Variants in CAMSAP1 observed in about 807,000 individuals in gnomAD.
The protein encoded by CAMSAP1 is calmodulin regulated spectrin associated protein 1, also known as calmodulin-regulated spectrin-associated protein 1.
A neutral mutation model predicts 143.5 loss-of-function variants in CAMSAP1; 58 were observed. The observed-to-expected ratio is 0.40, with a 90% confidence interval of 0.33 to 0.50. The LOEUF (loss-of-function observed/expected upper bound fraction) is 0.50, where lower values mean the gene tolerates loss of function less well. Among genes scored for constraint, CAMSAP1 ranks in the 20% least tolerant of loss-of-function variants. CAMSAP1 has a pLI of 0.45. For missense variants in CAMSAP1, 1,969 were observed against 2,115.7 expected (o/e 0.93, Z 1.36); for synonymous variants, 945 against 859.3 (o/e 1.10, Z -1.74).
At chr9:135,849,171 G>A (rs571438906) in intron 7 of CAMSAP1, among the ~76,000 whole-genome samples, 294 of 152,324 alleles carry the variant, frequency 1.9e-3, no homozygotes, top group Non-Finnish European at 3.7e-3. Flanking sequence ...TAGCCTAGGC[G>A]CCTTCAGTGT....
intron 3 of CAMSAP1, among the ~76,000 whole-genome samples, chr9:135,870,550 T>C (rs1000056506): frequency 6.6e-6 from 1 of 152,184 alleles, no homozygotes; most frequent in African/African-American, 2.4e-5. Flanking sequence ...TCCCAGCACT[T>C]TGGGAGCCCG....
intron 5 of CAMSAP1, among the ~76,000 whole-genome samples, chr9:135,860,354 T>C (rs1588481298): frequency 6.6e-6 from 1 of 151,976 alleles, no homozygotes; most frequent in East Asian, 1.9e-4. Context: ...TCCCAGCACT[T>C]TGGGAGGCCA....
chr9:135,876,191 A>G (rs1167944407), intron 3 of CAMSAP1, among the ~76,000 whole-genome samples: 1 of 152,140 alleles, frequency 6.6e-6, no homozygotes, highest in Non-Finnish European at 1.5e-5. Context: ...GACCTCAGGC[A>G]ATCTGCCCAC....
chr9:135,873,938 A>C (rs924774154), intron 3 of CAMSAP1, among the ~76,000 whole-genome samples: 1 of 152,314 alleles, frequency 6.6e-6, no homozygotes, highest in South Asian at 2.1e-4. Context: ...AGAGACCAGT[A>C]TCTGCCGAGA....
chr9:135,840,928 G>A (rs138265269), intron 7 of CAMSAP1, among the ~76,000 whole-genome samples: 1,608 of 152,280 alleles, frequency 0.011, 24 homozygotes, highest in African/African-American at 0.037. Context: ...CGACCATTTG[G>A]GCAGACACCG....
chr9:135,906,692 C>A (rs1167312868), intron 1 of CAMSAP1, among the ~76,000 whole-genome samples: 1 of 152,094 alleles, frequency 6.6e-6, no homozygotes, highest in Non-Finnish European at 1.5e-5. Context: ...GCGCCCAGAA[C>A]CGGGCAGCTC....
chr9:135,847,838 A>G (rs1219744746), intron 7 of CAMSAP1, among the ~76,000 whole-genome samples: 1 of 7,284 alleles, frequency 1.4e-4, no homozygotes, highest in African/African-American at 6.8e-4. Context: ...ATCCCAGAAC[A>G]GGGAAGGGGA....
chr9:135,818,266 TG>T lies in CAMSAP1; in HGVS notation c.4168+141del. 1 of 1,114,266 alleles carries T rather than the reference TG, an allele frequency of 9.0e-7. No individual in the cohort carries two copies. The allele number at this position is 1,114,266 out of a possible 1,614,324, so 69.0% of individuals were successfully genotyped here. A position where few individuals can be genotyped will look rare whatever the true frequency, so the allele number is the denominator to read the frequency against. On this transcript the variant is annotated intron_variant, in intron 13 of 16. Coordinates refer to ENST00000389532, the MANE Select transcript of CAMSAP1 (RefSeq NM_015447.4). The surrounding 1 kb of genome is among the most constrained non-coding windows in gnomAD (Gnocchi z 7.7). ...ATCTCAGAGCATCTGGTCTCAACAT[TG>T]TCATCCATGAAACGGGGATAATCAT...
chr9:135,837,987 G>A (rs62584822), intron 7 of CAMSAP1, among the ~76,000 whole-genome samples: 47,692 of 122,750 alleles, frequency 0.39, 9,498 homozygotes, highest in African/African-American at 0.6. Flanking sequence ...ATCATCACAC[G>A]CTTTCTACCC....
chr9:135,879,001 A>G (rs142864675), intron 3 of CAMSAP1, among the ~76,000 whole-genome samples: 1 of 152,228 alleles, frequency 6.6e-6, no homozygotes, highest in East Asian at 1.9e-4. Context: ...GGAAAGGAAC[A>G]TGAGTTGTGA....
intron 7 of CAMSAP1, among the ~76,000 whole-genome samples, chr9:135,845,841 AAAC>A (rs1458751537): frequency 1.3e-5 from 2 of 152,192 alleles, no homozygotes; most frequent in African/African-American, 4.8e-5. Flanking sequence ...GGAGAACTAC[AAAC>A]CACTGCTCAA....
rs1258397641 is a variant in CAMSAP1, at chr9:135,865,406, A to G, written c.666+1050T>C. On this transcript the variant is annotated intron_variant, in intron 4 of 16. Coordinates refer to ENST00000389532, the MANE Select transcript of CAMSAP1 (RefSeq NM_015447.4). ...AGAAGGAAGGCAGGAGAGGAGCATC[A>G]GCAGAGCAGGTCCACGTGTGGACGA... 3 of 1,546,566 alleles carry G rather than the reference A, an allele frequency of 1.9e-6. No homozygotes were observed. The African/African-American group carries it at 4.1e-5, about 21-fold the overall frequency.
At chr9:135,852,059 G>A (rs924480849) in intron 5 of CAMSAP1, among the ~76,000 whole-genome samples, 1 of 152,194 alleles carries the variant, frequency 6.6e-6, no homozygotes, top group Admixed American at 6.5e-5. Flanking sequence ...AGGCGGAGGG[G>A]CGTGAACACC....
chr9:135,824,989 A>G lies in CAMSAP1; in HGVS notation c.1224-109T>C, dbSNP rs1835621966. On this transcript the variant is annotated intron_variant, in intron 8 of 16. Coordinates refer to ENST00000389532, the MANE Select transcript of CAMSAP1 (RefSeq NM_015447.4). The surrounding 1 kb of genome is among the most constrained non-coding windows in gnomAD (Gnocchi z 4.1). Reference sequence around the variant, plus strand: ...TCCTGAATTCACACCAAGTTTTGAGAAACTCGGACTGTTTGGGAAAAAAAT... The same window carrying G: ...TCCTGAATTCACACCAAGTTTTGAGGAACTCGGACTGTTTGGGAAAAAAAT... 2.4e-6 allele frequency: 2 copies of G among 850,156 alleles called. No homozygotes were observed. The highest frequency in any genetic ancestry group is 3.6e-6 in the Non-Finnish European group (2 of 554,018). 52.7% of individuals were successfully genotyped at this position (850,156 alleles called of 1,614,324 possible).
Position 135,865,434 on chromosome 9 carries a change from T to A in CAMSAP1, c.666+1022A>T. On this transcript the variant is annotated intron_variant, in intron 4 of 16. Transcript: ENST00000389532. ...AGAGCAGGTCCACGTGTGGACGAGG[T>A]AACACACACTTCCCCACGGCGTTTA... The A allele has an allele frequency of 2.8e-6, 4 of 1,447,918 alleles. No individual in the cohort carries two copies. In the Admixed American group the frequency reaches 6.0e-5, roughly 22 times the overall value. The allele number at this position is 1,447,918 out of a possible 1,614,324, so 89.7% of individuals were successfully genotyped here.
intron 3 of CAMSAP1, among the ~76,000 whole-genome samples, chr9:135,878,452 AGGCATCTT>A (rs1191218713): frequency 1.3e-5 from 2 of 152,264 alleles, no homozygotes; most frequent in African/African-American, 2.4e-5. Flanking sequence ...TGCGCACAGC[AGGCATCTT>A]GGAAACATGG....
Position 135,815,923 on chromosome 9 carries a change from C to T in CAMSAP1, c.4354G>A (p.Ala1452Thr), listed in dbSNP as rs1224889674. The T allele has an allele frequency of 6.2e-7, 1 of 1,613,622 alleles. No homozygotes were observed. The highest frequency in any genetic ancestry group is 8.5e-7 in the Non-Finnish European group (1 of 1,179,910). The change falls in exon 15 of 17, where the codon GCA becomes ACA. Residue 1452 changes from alanine to threonine, a missense_variant. Coordinates refer to ENST00000389532, the MANE Select transcript of CAMSAP1 (RefSeq NM_015447.4). The part of the protein sequence containing the change: ...TDRDWETASA[A>T]SSLASVAEYT... Reference sequence around the variant, plus strand: ...TCGGCCACTGAGGCCAGGGAAGATGCCGCCGACGCGGTCTCCCAGTCTCGG... The same window carrying T: ...TCGGCCACTGAGGCCAGGGAAGATGTCGCCGACGCGGTCTCCCAGTCTCGG...
chr9:135,820,492 T>G lies in CAMSAP1; in HGVS notation c.3822+347A>C, dbSNP rs1394525056. On this transcript the variant is annotated intron_variant, in intron 11 of 16. Transcript: ENST00000389532. This position sits in a 1 kb window ranked among gnomAD's most constrained non-coding sequence, Gnocchi z 4.4. ...CCAGAGCATTCTAACGACGAACGCT[T>G]TTTACGCTTTGGGGCAGGACAGGGA... 6.6e-6 allele frequency among the ~76,000 whole-genome samples: 1 copy of G among 152,082 alleles called. No homozygotes were observed. Among genetic ancestry groups the G allele is most frequent in the African/African-American group, 2.4e-5 (1 of 41,406 alleles).
intron 7 of CAMSAP1, among the ~76,000 whole-genome samples, chr9:135,843,695 C>T (rs1028174957): frequency 2.0e-5 from 3 of 151,774 alleles, no homozygotes; most frequent in South Asian, 2.1e-4. Flanking sequence ...CACGCTGAAA[C>T]CCCGTCTCTA....
Sources: gnomAD v4.1 joint callset for allele counts (sites outside exome capture counted in the v4.1 genomes callset) on GRCh38, gnomAD v4.1.1 for gene constraint, Gnocchi (gnomAD v3.1) non-coding constraint, MANE v1.5 for transcripts, NCBI Gene and HGNC (gene_info 2026-07-23, HGNC 2026-07-21) for gene names.